Variants in NFAT5 observed in about 807,000 individuals in gnomAD.
The protein encoded by NFAT5 is nuclear factor of activated T cells 5.
In NFAT5, 31 loss-of-function variants were observed where a neutral mutation model predicts 166.5. The observed-to-expected ratio is 0.19, with a 90% CI of 0.14 to 0.25. NFAT5 has a LOEUF of 0.25. NFAT5 is among the 10% of genes least tolerant of loss of function. The probability of loss-of-function intolerance (pLI) is 1.00; values close to 1 mark genes in which losing one functional copy is unlikely to be tolerated. For missense variants in NFAT5, 1,449 were observed against 1,821.8 expected (o/e 0.80, Z 3.72); for synonymous variants, 612 against 639.7 (o/e 0.96, Z 0.65).
chr16:69,693,900 C>G lies in NFAT5; in HGVS notation c.4075C>G (p.Pro1359Ala). ...STVSSLQNPG[P>A]TQSESSQTPL... Reference sequence around the variant, plus strand: ...AGTTTCCTCACTTCAGAACCCAGGTCCTACCCAGTCGGAATCATCACAGAC... The same window carrying G: ...AGTTTCCTCACTTCAGAACCCAGGTGCTACCCAGTCGGAATCATCACAGAC... Residue 1359 changes from proline (P) to alanine (A), a missense_variant, in exon 13 of 15, where the codon CCT (proline) becomes GCT (alanine). By Grantham distance (27) the Pro-to-Ala change is conservative. Around this residue, in one of 7 missense-constraint regions of NFAT5, gnomAD observed 891 missense variants for 993.0 expected, o/e 0.90. Coordinates refer to ENST00000349945, the MANE Select transcript of NFAT5 (RefSeq NM_138713.4). 1 of 1,614,224 alleles carries G rather than the reference C, an allele frequency of 6.2e-7. No individual in the cohort carries two copies. The highest frequency in any genetic ancestry group is 8.5e-7 in the Non-Finnish European group (1 of 1,180,036).
chr16:69,630,061 C>T (rs533895768), intron 3 of NFAT5, among the ~76,000 whole-genome samples: 4 of 151,992 alleles, frequency 2.6e-5, no homozygotes, highest in South Asian at 2.1e-4. Flanking sequence ...CTCAGCCTCC[C>T]GAGTAGCTGG....
intron 2 of NFAT5, among the ~76,000 whole-genome samples, chr16:69,578,800 A>G (rs910868086): frequency 2.0e-5 from 3 of 152,250 alleles, no homozygotes; most frequent in Non-Finnish European, 2.9e-5. Flanking sequence ...CCAAATGTCA[A>G]TATTCAACTT....
rs2037804466 is a variant in NFAT5 at position 69,697,672 on chromosome 16, C to T, written c.*1321C>T. On this transcript the variant is annotated 3_prime_UTR_variant, in exon 15 of 15. Coordinates refer to ENST00000349945, the MANE Select transcript of NFAT5 (RefSeq NM_138713.4). Reference sequence around the variant, plus strand: ...CTATAAAGAGCAAAATAACACACTCCAGAACTTGGCAGTTGTAGCATTAGT... The same window carrying T: ...CTATAAAGAGCAAAATAACACACTCTAGAACTTGGCAGTTGTAGCATTAGT... The T allele has an allele frequency of 6.6e-6, 1 of 152,584 alleles. No homozygotes were observed. The highest frequency in any genetic ancestry group is 1.5e-5 in the Non-Finnish European group (1 of 68,032). 9.5% of individuals were successfully genotyped at this position (152,584 alleles called of 1,614,324 possible).
intron 10 of NFAT5, among the ~76,000 whole-genome samples, chr16:69,678,651 CTT>C (rs1382419522): frequency 1.3e-5 from 2 of 152,216 alleles, no homozygotes; most frequent in Admixed American, 1.3e-4. Context: ...AATGGAAACT[CTT>C]TGCATGCTCC....
chr16:69,600,518 T>C (rs866159554), intron 2 of NFAT5, among the ~76,000 whole-genome samples: 1 of 151,988 alleles, frequency 6.6e-6, no homozygotes, highest in African/African-American at 2.4e-5. Flanking sequence ...GAATTATTAA[T>C]AGAGGAAAGT....
At chr16:69,676,526 T>C (rs945093753) in intron 9 of NFAT5, among the ~76,000 whole-genome samples, 1 of 152,224 alleles carries the variant, frequency 6.6e-6, no homozygotes, top group Non-Finnish European at 1.5e-5. Flanking sequence ...TTTCTAATAA[T>C]TTATTCATTC....
intron 14 of NFAT5, chr16:69,695,760 A>T (rs1322946299): frequency 5.9e-6 from 1 of 168,086 alleles, no homozygotes; most frequent in Non-Finnish European, 1.3e-5. Flanking sequence ...CTGAAATCCG[A>T]ATCTTTTTGA....
intron 4 of NFAT5, chr16:69,648,885 C>T (rs2035558484): frequency 2.1e-6 from 2 of 935,100 alleles, no homozygotes; most frequent in East Asian, 1.2e-4. Flanking sequence ...TTTAACTTGC[C>T]CTTAAGCACT....
chr16:69,663,661 G>A (rs945271056), intron 7 of NFAT5, among the ~76,000 whole-genome samples: 1 of 151,580 alleles, frequency 6.6e-6, no homozygotes, highest in Admixed American at 6.6e-5. Context: ...CTTGAAGCCA[G>A]GAGTTGGAAA....
chr16:69,669,058 C>CTAATTTTTT (rs2036519799), intron 7 of NFAT5, among the ~76,000 whole-genome samples: 1 of 152,102 alleles, frequency 6.6e-6, no homozygotes, highest in Non-Finnish European at 1.5e-5. Flanking sequence ...CCACGCCCAG[C>CTAATTTTTT]TAATTTTTTT....
At chr16:69,645,703 G>A (rs1453705046) in intron 3 of NFAT5, among the ~76,000 whole-genome samples, 3 of 151,932 alleles carry the variant, frequency 2.0e-5, no homozygotes, top group African/African-American at 7.3e-5. Context: ...TGGCATACTT[G>A]GTCATAGATA....
intron 2 of NFAT5, among the ~76,000 whole-genome samples, chr16:69,609,819 G>GAAA (rs1157655325): frequency 5.3e-5 from 4 of 75,296 alleles, no homozygotes; most frequent in East Asian, 3.9e-4. Context: ...TGTCTCTACT[G>GAAA]AAAAAAAAAA....
chr16:69,644,782 A>G (rs755467003), intron 3 of NFAT5: 3 of 443,860 alleles, frequency 6.8e-6, no homozygotes, highest in South Asian at 1.6e-5. Context: ...TGTACTTTCC[A>G]TCTGTCATGA....
rs1213315609 is a variant in NFAT5 at position 69,704,301 on chromosome 16, C to T, written c.*7950C>T. On this transcript the variant is annotated 3_prime_UTR_variant, in exon 15 of 15. Transcript: ENST00000349945. ...GTTTTAAGTATAGTACCAATAATTT[C>T]ATTAACCTGTTCTCAAGTGGTTTAG... 1 of 152,664 alleles carries T rather than the reference C, an allele frequency of 6.6e-6. No individual in the cohort carries two copies. Among genetic ancestry groups the T allele is most frequent in the Non-Finnish European group, 1.5e-5 (1 of 68,046 alleles). The allele number at this position is 152,664 out of a possible 1,614,324, so 9.5% of individuals were successfully genotyped here.
In NFAT5 at chr16:69,697,309, A is replaced by T. The variant is rs2037794933; in HGVS notation, c.*958A>T. ...TCTTTGGCCACTTTAATCTAGGGTG[A>T]CCTAGCAATCCTGCAGCACAGGGCA... On this transcript the variant is annotated 3_prime_UTR_variant, in exon 15 of 15. Coordinates refer to ENST00000349945, the MANE Select transcript of NFAT5 (RefSeq NM_138713.4). 2 of 152,100 alleles carry T rather than the reference A, an allele frequency of 1.3e-5. No homozygotes were observed. The highest frequency in any genetic ancestry group is 4.1e-4 in the South Asian group (2 of 4,820). The allele number at this position is 152,100 out of a possible 1,614,324, so 9.4% of individuals were successfully genotyped here.
chr16:69,668,117 C>T (rs1035521737), intron 7 of NFAT5, among the ~76,000 whole-genome samples: 2 of 152,002 alleles, frequency 1.3e-5, no homozygotes, highest in Non-Finnish European at 2.9e-5. Context: ...CAAGCATGTG[C>T]CAGCACACCC....
rs1186068451 is a variant in NFAT5 at position 69,659,660 on chromosome 16, GTTGA to G, written c.1197-64_1197-61del. On this transcript the variant is annotated intron_variant, in intron 6 of 14. Coordinates refer to ENST00000349945, the MANE Select transcript of NFAT5 (RefSeq NM_138713.4). The stretch of plus-strand genomic sequence containing the variant: ...TAAGCAAAATTTTAAAAACAAACTT[GTTGA>G]TTAAGAACATTATACTATTTATACA... 19 of 1,304,152 alleles carry G rather than the reference GTTGA, an allele frequency of 1.5e-5. 1 individual carries two copies. Among genetic ancestry groups the G allele is most frequent in the South Asian group, 2.1e-5 (1 of 48,224 alleles). The allele number at this position is 1,304,152 out of a possible 1,614,324, so 80.8% of individuals were successfully genotyped here. A position where few individuals can be genotyped will look rare whatever the true frequency, so the allele number is the denominator to read the frequency against.
At chr16:69,578,854 C>T (rs1262068125) in intron 2 of NFAT5, among the ~76,000 whole-genome samples, 1 of 151,526 alleles carries the variant, frequency 6.6e-6, no homozygotes, top group African/African-American at 2.4e-5. Context: ...TTTAGAAACA[C>T]TATAAAAGTT....
Position 69,647,652 on chromosome 16 carries a change from C to T in NFAT5, c.812+66C>T, listed in dbSNP as rs1271808407. 3 of 1,409,026 alleles carry T rather than the reference C, an allele frequency of 2.1e-6. No homozygotes were observed. The highest frequency in any genetic ancestry group is 2.8e-6 in the Non-Finnish European group (3 of 1,055,062). The allele number at this position is 1,409,026 out of a possible 1,614,324, so 87.3% of individuals were successfully genotyped here. ...AAAACAAACAAACAAAAAAAATTCC[C>T]AATTTTTCCTAATTGCTGAGCTCAA... On this transcript the variant is annotated intron_variant, in intron 4 of 14. Coordinates refer to ENST00000349945, the MANE Select transcript of NFAT5 (RefSeq NM_138713.4). This position sits in a 1 kb window ranked among gnomAD's most constrained non-coding sequence, Gnocchi z 4.8.
Sources: gnomAD v4.1 joint callset for allele counts (sites outside exome capture counted in the v4.1 genomes callset) on GRCh38, gnomAD v4.1.1 for gene constraint, gnomAD v4.1.1 regional missense constraint, Gnocchi (gnomAD v3.1) non-coding constraint, MANE v1.5 for transcripts, NCBI Gene and HGNC (gene_info 2026-07-23, HGNC 2026-07-21) for gene names.